The following CSMD1 variants were observed in gnomAD, a reference collection of about 807,000 sequenced individuals.
The protein encoded by CSMD1 is CUB and Sushi multiple domains 1.
In CSMD1, 213 loss-of-function variants were observed where a neutral mutation model predicts 417.5. That is an observed-to-expected ratio of 0.51 (90% CI 0.46 to 0.57). The LOEUF is 0.57. Among genes scored for constraint, CSMD1 ranks in the 20% least tolerant of loss-of-function variants. CSMD1 has a pLI of 0.00. For missense variants in CSMD1, 6,923 were observed against 4,529.7 expected (o/e 1.53, Z -15.17); for synonymous variants, 2,862 against 1,736.8 (o/e 1.65, Z -16.11).
At chr8:3,877,105 T>C (rs1404118565) in intron 5 of CSMD1, among the ~76,000 whole-genome samples, 10 of 152,200 alleles carry the variant, frequency 6.6e-5, no homozygotes, top group African/African-American at 2.4e-4. Context: ...CCTGAAGTAG[T>C]GCAACTCCTC....
chr8:3,462,796 T>C (rs1413847638), intron 12 of CSMD1, among the ~76,000 whole-genome samples: 1 of 151,554 alleles, frequency 6.6e-6, no homozygotes, highest in Non-Finnish European at 1.5e-5. Context: ...GGCTGGGGAC[T>C]CTTATCTAAG....
At chr8:3,709,250 G>A (rs142359150) in intron 6 of CSMD1, among the ~76,000 whole-genome samples, 3 of 150,560 alleles carry the variant, frequency 2.0e-5, no homozygotes, top group African/African-American at 7.3e-5. Flanking sequence ...TCCCACACTT[G>A]GCTTTACTAA....
At chr8:3,906,699 A>G (rs985029222) in intron 5 of CSMD1, among the ~76,000 whole-genome samples, 7 of 152,140 alleles carry the variant, frequency 4.6e-5, no homozygotes, top group Non-Finnish European at 8.8e-5. Flanking sequence ...TATGTAAAAA[A>G]ATGTGAATTC....
intron 21 of CSMD1, among the ~76,000 whole-genome samples, chr8:3,357,484 C>A (rs763398186): frequency 6.6e-6 from 1 of 152,180 alleles, no homozygotes; most frequent in Non-Finnish European, 1.5e-5. Flanking sequence ...ATAAATAGTA[C>A]CTATTCTTCC....
At chr8:3,731,939 C>A (rs770818131) in intron 6 of CSMD1, among the ~76,000 whole-genome samples, 2 of 152,228 alleles carry the variant, frequency 1.3e-5, no homozygotes, top group South Asian at 4.1e-4. Context: ...TGAAACCATA[C>A]AATGGACTCC....
chr8:4,500,801 T>G (rs1172169647), intron 2 of CSMD1, among the ~76,000 whole-genome samples: 1 of 152,158 alleles, frequency 6.6e-6, no homozygotes, highest in Non-Finnish European at 1.5e-5. Context: ...AGGAGGCATG[T>G]TGACTTACGG....
intron 5 of CSMD1, among the ~76,000 whole-genome samples, chr8:3,779,979 T>C (rs1799088947): frequency 1.3e-5 from 2 of 152,194 alleles, no homozygotes; most frequent in African/African-American, 4.8e-5. Flanking sequence ...ACCAAAAGAA[T>C]GTGAACTTCC....
intron 3 of CSMD1, among the ~76,000 whole-genome samples, chr8:4,157,989 G>A (rs1714776): frequency 6.6e-6 from 1 of 152,050 alleles, no homozygotes; most frequent in Admixed American, 6.5e-5. Context: ...ACTGTTGCTA[G>A]GACCCTTTCC....
Position 4,925,196 on chromosome 8 carries a change from G to T in CSMD1, c.85+69136C>A, listed in dbSNP as rs540310118. Reference sequence around the variant, plus strand: ...TATGGTTAATCAGAGAATAAAACATGGTGAATACCAGTTTTATGGTTTTTT... The same window carrying T: ...TATGGTTAATCAGAGAATAAAACATTGTGAATACCAGTTTTATGGTTTTTT... On this transcript the variant is annotated intron_variant, in intron 1 of 69. Coordinates refer to ENST00000635120, the MANE Select transcript of CSMD1 (RefSeq NM_033225.6). 2.2e-3 allele frequency among the ~76,000 whole-genome samples: 309 copies of T among 142,574 alleles called. 2 individuals are homozygous for T. Among genetic ancestry groups the T allele is most frequent in the African/African-American group, 7.5e-3 (295 of 39,108 alleles). The allele number at this position is 142,574 out of a possible 152,430, so 93.5% of individuals were successfully genotyped here.
At chr8:4,294,043 T>A (rs1797529360) in intron 3 of CSMD1, among the ~76,000 whole-genome samples, 1 of 152,192 alleles carries the variant, frequency 6.6e-6, no homozygotes, top group South Asian at 2.1e-4. Flanking sequence ...CTTTATTGCG[T>A]GGTTCTCAAG....
At chr8:3,729,611 T>C (rs1244225659) in intron 6 of CSMD1, among the ~76,000 whole-genome samples, 2 of 152,064 alleles carry the variant, frequency 1.3e-5, no homozygotes, top group South Asian at 2.1e-4. Flanking sequence ...CATTAGCAGA[T>C]CTTAGTGTGG....
At chr8:3,177,477 A>G (rs753987418) in intron 37 of CSMD1, among the ~76,000 whole-genome samples, 1 of 152,222 alleles carries the variant, frequency 6.6e-6, no homozygotes, top group African/African-American at 2.4e-5. Context: ...TATTATACAT[A>G]AAGTGACATA....
intron 55 of CSMD1, among the ~76,000 whole-genome samples, chr8:2,975,199 T>A (rs1219463227): frequency 2.6e-5 from 4 of 152,224 alleles, no homozygotes; most frequent in African/African-American, 9.7e-5. Context: ...AATTGTTCTA[T>A]AAAATAATCT....
chr8:4,511,091 C>T (rs1016962742), intron 2 of CSMD1, among the ~76,000 whole-genome samples: 2 of 152,122 alleles, frequency 1.3e-5, no homozygotes, highest in Non-Finnish European at 2.9e-5. Context: ...CAGCACTCTC[C>T]TGTTCAATTC....
chr8:3,364,645 C>T (rs1297326156), intron 20 of CSMD1, among the ~76,000 whole-genome samples: 1 of 152,076 alleles, frequency 6.6e-6, no homozygotes, highest in African/African-American at 2.4e-5. Flanking sequence ...TGGATTAAAG[C>T]CATTAAAAGG....
At chr8:3,425,374 G>A (rs1267397014) in intron 12 of CSMD1, among the ~76,000 whole-genome samples, 3 of 151,882 alleles carry the variant, frequency 2.0e-5, no homozygotes, top group African/African-American at 7.3e-5. Flanking sequence ...TGGATCACGA[G>A]GTCAAGAGAT....
At chr8:3,965,102 T>G (rs183017061) in intron 5 of CSMD1, among the ~76,000 whole-genome samples, 1 of 152,210 alleles carries the variant, frequency 6.6e-6, no homozygotes, top group African/African-American at 2.4e-5. Context: ...AGTAAATGGA[T>G]AACTTCAGGC....
intron 1 of CSMD1, among the ~76,000 whole-genome samples, chr8:4,792,875 G>C (rs1797765670): frequency 6.6e-6 from 1 of 151,870 alleles, no homozygotes; most frequent in Non-Finnish European, 1.5e-5. Context: ...CCACCTACTG[G>C]TTTTGTGCTC....
chr8:3,738,243 G>C lies in CSMD1; in HGVS notation c.931+15687C>G, dbSNP rs551631949. On this transcript the variant is annotated intron_variant, in intron 6 of 69. Coordinates refer to ENST00000635120, the MANE Select transcript of CSMD1 (RefSeq NM_033225.6). ...GAATTTTATGCTACTTAAAAAGCAA[G>C]AGAGCCCTAACAGAAAATAGCGACG... is the stretch of plus-strand genomic sequence containing the variant. Among the ~76,000 whole-genome samples, 4 of 152,154 alleles carry C rather than the reference G, an allele frequency of 2.6e-5. No homozygotes were observed. In the East Asian group the frequency reaches 7.7e-4, roughly 29 times the overall value.
Sources: allele counts gnomAD v4.1 joint callset (sites outside exome capture counted in the v4.1 genomes callset), GRCh38; gene constraint gnomAD v4.1.1; transcripts MANE v1.5; gene names NCBI Gene and HGNC (gene_info 2026-07-23, HGNC 2026-07-21).